Variants in DLGAP1 observed in about 807,000 individuals in gnomAD.
DLGAP1 encodes DLG associated protein 1, also known as disks large-associated protein 1.
Under a neutral mutation model 90.8 loss-of-function variants are expected in DLGAP1, and 11 were observed. That is an observed-to-expected ratio of 0.12 (90% CI 0.08 to 0.20). DLGAP1 has a LOEUF of 0.20. DLGAP1 is among the 10% of genes least tolerant of loss of function. DLGAP1 has a pLI of 1.00. For missense variants in DLGAP1, 1,050 were observed against 1,333.8 expected (o/e 0.79, Z 3.31); for synonymous variants, 558 against 540.7 (o/e 1.03, Z -0.44).
chr18:4,093,392 G>A (rs2075619884), intron 2 of DLGAP1, among the ~76,000 whole-genome samples: 1 of 152,156 alleles, frequency 6.6e-6, no homozygotes, highest in Non-Finnish European at 1.5e-5. Flanking sequence ...GGGAACCAGA[G>A]GGACCAAATG....
chr18:3,998,381 A>G (rs2074111655), intron 3 of DLGAP1, among the ~76,000 whole-genome samples: 1 of 152,184 alleles, frequency 6.6e-6, no homozygotes, highest in African/African-American at 2.4e-5. Flanking sequence ...TTAATATTTG[A>G]TGTGCCTCAG....
chr18:4,047,676 A>T (rs2075073998), intron 2 of DLGAP1, among the ~76,000 whole-genome samples: 1 of 152,228 alleles, frequency 6.6e-6, no homozygotes, highest in South Asian at 2.1e-4. Context: ...TTAGGAAGAA[A>T]CCTTGGTCAA....
intron 3 of DLGAP1, among the ~76,000 whole-genome samples, chr18:3,895,464 CCATTGACTGTGA>C: frequency 6.6e-6 from 1 of 152,246 alleles, no homozygotes; most frequent in East Asian, 1.9e-4. Context: ...TTGATATCAT[CCATTGACTGTGA>C]CAATGGTTCT....
intron 3 of DLGAP1, among the ~76,000 whole-genome samples, chr18:3,890,112 A>G (rs1318331245): frequency 6.6e-6 from 1 of 152,214 alleles, no homozygotes; most frequent in Non-Finnish European, 1.5e-5. Context: ...CTGCAAGCAT[A>G]CAGAACCTCC....
intron 7 of DLGAP1, among the ~76,000 whole-genome samples, chr18:3,651,528 C>T (rs1408047032): frequency 6.6e-6 from 1 of 152,222 alleles, no homozygotes; most frequent in Non-Finnish European, 1.5e-5. Context: ...CAAGGTGGCT[C>T]ATGCCTGTAA....
intron 1 of DLGAP1, among the ~76,000 whole-genome samples, chr18:4,405,842 AGTT>A (rs1484125226): frequency 9.9e-5 from 15 of 152,198 alleles, no homozygotes; most frequent in Admixed American, 6.5e-5. Flanking sequence ...TTTGACTACC[AGTT>A]GTCCAAGTTC....
chr18:4,304,126 G>A (rs1253903644), intron 1 of DLGAP1, among the ~76,000 whole-genome samples: 1 of 152,182 alleles, frequency 6.6e-6, no homozygotes, highest in Non-Finnish European at 1.5e-5. Context: ...GTGCAGAAAT[G>A]AAAAGTTGGT....
intron 3 of DLGAP1, among the ~76,000 whole-genome samples, chr18:3,938,216 C>G (rs2072685179): frequency 6.6e-6 from 1 of 152,156 alleles, no homozygotes; most frequent in African/African-American, 2.4e-5. Context: ...AACTCCCTGT[C>G]CTTTTGAAGC....
chr18:3,825,059 C>A (rs2067635161), intron 4 of DLGAP1, among the ~76,000 whole-genome samples: 1 of 152,184 alleles, frequency 6.6e-6, no homozygotes, highest in Non-Finnish European at 1.5e-5. Context: ...AGCAAGATAT[C>A]TATAATGAAC....
intron 9 of DLGAP1, among the ~76,000 whole-genome samples, chr18:3,555,411 A>C (rs1214227831): frequency 6.6e-6 from 1 of 150,844 alleles, no homozygotes; most frequent in Non-Finnish European, 1.5e-5. Flanking sequence ...TCAATAATTC[A>C]AATAAAGTTC....
chr18:3,956,776 G>A (rs566796601), intron 3 of DLGAP1, among the ~76,000 whole-genome samples: 1 of 152,136 alleles, frequency 6.6e-6, no homozygotes, highest in South Asian at 2.1e-4. Context: ...TCAGCCTCCT[G>A]AATAGCTGGG....
intron 3 of DLGAP1, chr18:3,896,135 A>G (rs1457709827): frequency 1.3e-5 from 2 of 152,226 alleles, no homozygotes; most frequent in African/African-American, 4.8e-5. Flanking sequence ...CAAGTGTGAC[A>G]TGGTTTCTTC....
intron 1 of DLGAP1, among the ~76,000 whole-genome samples, chr18:4,302,765 A>T (rs1049949572): frequency 1.3e-5 from 2 of 152,162 alleles, no homozygotes; most frequent in Admixed American, 1.3e-4. Context: ...TGACATTGAA[A>T]TTTTAATAGA....
At chr18:4,190,059 G>A (rs1309342006) in intron 1 of DLGAP1, among the ~76,000 whole-genome samples, 1 of 152,066 alleles carries the variant, frequency 6.6e-6, no homozygotes, top group Non-Finnish European at 1.5e-5. Flanking sequence ...ACTCAAGTGA[G>A]TTACAAGCTT....
At chr18:3,784,733 A>C (rs745430508) in intron 5 of DLGAP1, among the ~76,000 whole-genome samples, 1 of 152,228 alleles carries the variant, frequency 6.6e-6, no homozygotes, top group Non-Finnish European at 1.5e-5. Context: ...CCTTGGGGAA[A>C]AGGCGCTGCC....
intron 1 of DLGAP1, among the ~76,000 whole-genome samples, chr18:4,203,135 C>T (rs953758987): frequency 2.2e-4 from 34 of 151,892 alleles, no homozygotes; most frequent in African/African-American, 6.0e-4. Context: ...ATTAGCTGGG[C>T]GTGGTGGCGG....
chr18:3,901,076 C>T (rs545600155), intron 3 of DLGAP1, among the ~76,000 whole-genome samples: 1 of 152,208 alleles, frequency 6.6e-6, no homozygotes, highest in African/African-American at 2.4e-5. Flanking sequence ...GCCCTCCACC[C>T]TCATCCCTAC....
intron 3 of DLGAP1, chr18:3,978,318 C>A: frequency 7.9e-6 from 3 of 379,964 alleles, no homozygotes; most frequent in East Asian, 1.4e-4. Context: ...ATGAAGACAC[C>A]AGTGGACTCC....
chr18:4,395,460 T>G (rs1030897340), intron 1 of DLGAP1, among the ~76,000 whole-genome samples: 5 of 152,190 alleles, frequency 3.3e-5, no homozygotes, highest in African/African-American at 4.8e-5. Flanking sequence ...GTACGAGGGC[T>G]CCGCGTATTA....
Sources: gnomAD v4.1 joint callset for allele counts (sites outside exome capture counted in the v4.1 genomes callset) on GRCh38, gnomAD v4.1.1 for gene constraint, MANE v1.5 for transcripts, NCBI Gene and HGNC (gene_info 2026-07-23, HGNC 2026-07-21) for gene names.